Variants in OR2L13 observed in about 807,000 individuals in gnomAD.
The protein encoded by OR2L13 is olfactory receptor 2L13.
A neutral mutation model predicts 15.3 loss-of-function variants in OR2L13; 14 were observed. That is an observed-to-expected ratio of 0.91 (90% confidence interval 0.60 to 1.43). The LOEUF is 1.43. OR2L13 is among the 40% of genes most tolerant of loss of function. The probability of loss-of-function intolerance (pLI) is 0.00; values close to 1 mark genes in which losing one functional copy is unlikely to be tolerated. For missense variants in OR2L13, 367 were observed against 387.9 expected (o/e 0.95, Z 0.45); for synonymous variants, 152 against 142.9 (o/e 1.06, Z -0.45).
the OR2L13 span, among the ~76,000 whole-genome samples, chr1:248,046,410 G>A: frequency 7.9e-5 from 12 of 152,266 alleles, no homozygotes; most frequent in East Asian, 1.9e-4. Flanking sequence ...GAATGCAGAC[G>A]CATTGTTACT....
chr1:248,040,370 C>T, the OR2L13 span: 4 of 152,358 alleles, frequency 2.6e-5, no homozygotes, highest in Admixed American at 1.3e-4. Context: ...AGAAGAGCCT[C>T]ATATTATCCA....
chr1:247,949,870 G>GTCCT, the OR2L13 span: 2 of 1,233,708 alleles, frequency 1.6e-6, no homozygotes, highest in Non-Finnish European at 2.2e-6. Context: ...AAAATATTAT[G>GTCCT]TCCTTCCTAG....
the OR2L13 span, among the ~76,000 whole-genome samples, chr1:248,053,673 A>G: frequency 1.3e-5 from 2 of 152,092 alleles, no homozygotes; most frequent in African/African-American, 4.8e-5. Context: ...GATGGTATCT[A>G]ATTATGGTTT....
chr1:247,990,904 A>T, the OR2L13 span: 1 of 1,481,646 alleles, frequency 6.7e-7, no homozygotes. Context: ...CTTCATTTGT[A>T]TTGCATGTTC....
chr1:248,083,903 G>T, the OR2L13 span: 2 of 1,611,398 alleles, frequency 1.2e-6, no homozygotes, highest in Non-Finnish European at 1.7e-6. Flanking sequence ...CCTTCTTGCG[G>T]GCTTCTGTAG....
At chr1:248,062,452 G>C in the OR2L13 span, 5 of 152,112 alleles carry the variant, frequency 3.3e-5, no homozygotes, top group African/African-American at 1.2e-4. Flanking sequence ...TGGGTCTGTT[G>C]TCAAAAATCA....
the OR2L13 span, chr1:248,013,791 ACT>A: frequency 3.3e-5 from 5 of 152,212 alleles, no homozygotes; most frequent in East Asian, 9.7e-4. Context: ...GGAAGAAGAG[ACT>A]CTGGCAAGCG....
the OR2L13 span, among the ~76,000 whole-genome samples, chr1:248,065,608 C>T: frequency 2.2e-5 from 3 of 139,476 alleles, no homozygotes; most frequent in African/African-American, 5.2e-5. Context: ...CCACAGTCCC[C>T]GATGTGTGAT....
the OR2L13 span, among the ~76,000 whole-genome samples, chr1:248,029,907 A>T: frequency 6.6e-6 from 1 of 152,178 alleles, no homozygotes; most frequent in African/African-American, 2.4e-5. Flanking sequence ...ATCAGAACTC[A>T]TTTCTGAACC....
the OR2L13 span, chr1:248,061,417 G>T: frequency 6.2e-7 from 1 of 1,614,070 alleles, no homozygotes; most frequent in African/African-American, 1.3e-5. Context: ...CCACCTCACT[G>T]TAGTAACTTT....
the OR2L13 span, among the ~76,000 whole-genome samples, chr1:248,058,109 C>T: frequency 6.6e-6 from 1 of 151,824 alleles, no homozygotes; most frequent in Non-Finnish European, 1.5e-5. Context: ...AAAATCCCAA[C>T]TGTCACATAA....
the OR2L13 span, among the ~76,000 whole-genome samples, chr1:248,066,348 G>A: frequency 6.6e-6 from 1 of 152,228 alleles, no homozygotes. Flanking sequence ...GGGTGAGGTA[G>A]AGGTGATCCC....
At chr1:247,955,817 T>C in the OR2L13 span, among the ~76,000 whole-genome samples, 5 of 152,252 alleles carry the variant, frequency 3.3e-5, no homozygotes, top group African/African-American at 7.2e-5. Context: ...TTTGTTTGAG[T>C]TCATTGTAGA....
At chr1:247,984,517 A>G in the OR2L13 span, among the ~76,000 whole-genome samples, 1 of 152,298 alleles carries the variant, frequency 6.6e-6, no homozygotes, top group Admixed American at 6.5e-5. Flanking sequence ...TTGCATCACA[A>G]TTAATGCTGA....
the OR2L13 span, among the ~76,000 whole-genome samples, chr1:248,077,421 C>G: frequency 6.6e-6 from 1 of 152,154 alleles, no homozygotes; most frequent in Non-Finnish European, 1.5e-5. Context: ...GGAATGGTAC[C>G]AGCTCCTCTT....
At chr1:248,016,987 G>T in the OR2L13 span, among the ~76,000 whole-genome samples, 1 of 152,248 alleles carries the variant, frequency 6.6e-6, no homozygotes, top group Non-Finnish European at 1.5e-5. Context: ...AGTGTGTGGA[G>T]ATAGTCAATA....
the OR2L13 span, among the ~76,000 whole-genome samples, chr1:247,983,246 CA>C: frequency 6.6e-6 from 1 of 152,126 alleles, no homozygotes; most frequent in Admixed American, 6.6e-5. Flanking sequence ...AATTATGGAA[CA>C]AATCCTGACA....
chr1:247,956,504 G>T, the OR2L13 span, among the ~76,000 whole-genome samples: 1 of 150,628 alleles, frequency 6.6e-6, no homozygotes, highest in African/African-American at 2.4e-5. Context: ...GCTTGATGGG[G>T]ATGGCATTGA....
the OR2L13 span, chr1:247,975,616 G>A: frequency 4.6e-6 from 6 of 1,298,460 alleles, no homozygotes; most frequent in African/African-American, 4.4e-5. Context: ...GGTGATGGGG[G>A]CCCTGACACG....
Sources: allele counts gnomAD v4.1 joint callset (sites outside exome capture counted in the v4.1 genomes callset), GRCh38; gene constraint gnomAD v4.1.1; transcripts MANE v1.5; gene names NCBI Gene and HGNC (gene_info 2026-07-23, HGNC 2026-07-21).